FBXO30: variants seen among roughly 807,000 people sequenced by gnomAD.
The protein encoded by FBXO30 is F-box only protein 30.
Under a neutral mutation model 58.1 loss-of-function variants are expected in FBXO30, and 21 were observed. The observed-to-expected ratio is 0.36, with a 90% confidence interval of 0.26 to 0.52. The LOEUF (loss-of-function observed/expected upper bound fraction) is 0.52. Among genes scored for constraint, FBXO30 ranks in the 20% least tolerant of loss-of-function variants. The pLI, the probability that FBXO30 is intolerant of heterozygous loss-of-function variation, is 0.93. For missense variants in FBXO30, 744 were observed against 897.3 expected (o/e 0.83, Z 2.18); for synonymous variants, 309 against 312.4 (o/e 0.99, Z 0.11).
In FBXO30 at chr6:145,804,605, C is replaced by A. The variant is rs1778105817; in HGVS notation, c.1801G>T (p.Ala601Ser). The A allele has an allele frequency of 6.2e-7, 1 of 1,613,652 alleles. No individual in the cohort carries two copies. ...PCVSTVLVEP[A>S]RNCVLGLHND... The stretch of plus-strand genomic sequence containing the variant: ...TGTAATCCCAACACACAGTTTCTAG[C>A]AGGCTCCACTAATACTGTAGATACA... Residue 601 changes from alanine (A) to serine (S), a missense_variant, in exon 2 of 3, where the codon GCT becomes TCT. Coordinates refer to ENST00000237281, the MANE Select transcript of FBXO30 (RefSeq NM_032145.5).
Position 145,800,178 on chromosome 6 carries a change from T to C in FBXO30, c.2166A>G (p.Pro722=). Residue 722 remains proline, a synonymous_variant, in exon 3 of 3, where the codon CCA becomes CCG. Transcript: ENST00000237281. ...TGAGTTCTCGTGTCACACACATACA[T>C]GGCAAAGGGATTGCTTCCTCCCGTT... ...VEKREEAIPL[P]CMCVTRELTK... is the part of the protein sequence containing the mutation. The C allele has an allele frequency of 1.2e-6, 2 of 1,613,182 alleles. No individual in the cohort carries two copies. Among genetic ancestry groups the C allele is most frequent in the African/African-American group, 1.3e-5 (1 of 74,978 alleles).
At position 145,804,455 on chromosome 6, in the gene FBXO30, G is replaced by A; in HGVS notation, c.1951C>T (p.Leu651Phe). 8 of 1,613,686 alleles carry A rather than the reference G, an allele frequency of 5.0e-6. No individual in the cohort carries two copies. The highest frequency in any genetic ancestry group is 4.2e-6 in the Non-Finnish European group (5 of 1,179,780). ...AGTATGACCATGCCACGAGACTGAA[G>A]CAGGCTGCCACACACATCCCTCATT... Reference protein sequence around the residue: ...KLMRDVCGSLLQSRGMVILQW... With the variant: ...KLMRDVCGSLFQSRGMVILQW... Residue 651 changes from leucine (L) to phenylalanine (F), a missense_variant, in exon 2 of 3, where the codon CTT becomes TTT. Transcript: ENST00000237281.
At chr6:145,813,374 T>C (rs1043469331) in intron 1 of FBXO30, among the ~76,000 whole-genome samples, 24 of 148,180 alleles carry the variant, frequency 1.6e-4, no homozygotes, top group African/African-American at 4.7e-4. Context: ...TAAAAACAAA[T>C]TGGCAATTTA....
Position 145,796,186 on chromosome 6 carries a change from CT to C in FBXO30, c.*3919del, listed in dbSNP as rs1777863691. 6.6e-6 allele frequency: 1 copy of C among 151,946 alleles called. No individual in the cohort carries two copies. The highest frequency in any genetic ancestry group is 1.5e-5 in the Non-Finnish European group (1 of 67,886). The allele number at this position is 151,946 out of a possible 1,614,324, so 9.4% of individuals were successfully genotyped here. A position where few individuals can be genotyped will look rare whatever the true frequency, so the allele number is the denominator to read the frequency against. ...AATTCAAATTTGAAAGGTTTTATCT[CT>C]TGATCTCACTTTAATCTTTTAAATA... On this transcript the variant is annotated 3_prime_UTR_variant, in exon 3 of 3. Transcript: ENST00000237281.
At position 145,805,863 on chromosome 6, in the gene FBXO30, T is replaced by G. The variant is rs757850015; in HGVS notation, c.543A>C (p.Ala181=). The change falls in exon 2 of 3, where the codon GCA becomes GCC. Residue 181 remains alanine (A), a synonymous_variant. Transcript: ENST00000237281. Reference sequence around the variant, plus strand: ...TTGTTTCTACAGTAGCTTGATAAAGTGCACCATAAGATTCTTCATCAACAG... The same window carrying G: ...TTGTTTCTACAGTAGCTTGATAAAGGGCACCATAAGATTCTTCATCAACAG... ...LVSVDEESYG[A]LYQATVETTR... is the part of the protein sequence containing the mutation. 5 of 1,614,048 alleles carry G rather than the reference T, an allele frequency of 3.1e-6. No individual in the cohort carries two copies. Among genetic ancestry groups the G allele is most frequent in the South Asian group, 1.1e-5 (1 of 91,088 alleles).
At chr6:145,803,401 T>C (rs970157239) in intron 2 of FBXO30, among the ~76,000 whole-genome samples, 4 of 152,026 alleles carry the variant, frequency 2.6e-5, no homozygotes, top group Admixed American at 6.6e-5. Context: ...GGAAACCAAG[T>C]GGATGTAGTA....
intron 1 of FBXO30, among the ~76,000 whole-genome samples, chr6:145,808,079 C>T (rs1778229774): frequency 1.3e-5 from 2 of 152,034 alleles, no homozygotes; most frequent in African/African-American, 4.8e-5. Flanking sequence ...CTGCAGTAAG[C>T]CATGACTGTG....
At position 145,795,250 on chromosome 6, in the gene FBXO30, CTT is replaced by C. The variant is rs1777847582; in HGVS notation, c.*4854_*4855del. The C allele has an allele frequency of 6.6e-6, 1 of 151,668 alleles. No individual in the cohort carries two copies. The highest frequency in any genetic ancestry group is 2.4e-5 in the African/African-American group (1 of 41,382). 9.4% of individuals were successfully genotyped at this position (151,668 alleles called of 1,614,324 possible). On this transcript the variant is annotated 3_prime_UTR_variant, in exon 3 of 3. Coordinates refer to ENST00000237281, the MANE Select transcript of FBXO30 (RefSeq NM_032145.5). ...TAGAAATTAAATCTGATGAATTTGC[CTT>C]TGTTAGGAGCAACTGACCTAATTTA...
rs1276509276 is a variant in FBXO30, at chr6:145,793,853, T to C, written c.*6253A>G. ...TACTAGAACTTTAAGCTGAATAGAT[T>C]TGTCATGTTACTAATGCTATAAATT... On this transcript the variant is annotated 3_prime_UTR_variant, in exon 3 of 3. Transcript: ENST00000237281. 2 of 152,078 alleles carry C rather than the reference T, an allele frequency of 1.3e-5. No individual in the cohort carries two copies. The highest frequency in any genetic ancestry group is 1.3e-4 in the Admixed American group (2 of 15,268). The allele number at this position is 152,078 out of a possible 1,614,324, so 9.4% of individuals were successfully genotyped here.
chr6:145,806,469 G>T (rs561604534), intron 1 of FBXO30, 48 bp from the exon 2 acceptor site: 16 of 1,425,558 alleles, frequency 1.1e-5, no homozygotes, highest in Non-Finnish European at 1.4e-5. Context: ...AAAAATGGTT[G>T]ATTTTTCAAA....
At chr6:145,814,493 A>C (rs1401781288) in intron 1 of FBXO30, 110 bp downstream of exon 1, 1 of 151,674 alleles carries the variant, frequency 6.6e-6, no homozygotes, top group African/African-American at 2.4e-5. Flanking sequence ...CACGGCCGCC[A>C]GCGCCAGCGC....
At chr6:145,800,756 C>T (rs1025047373) in intron 2 of FBXO30, among the ~76,000 whole-genome samples, 2 of 151,924 alleles carry the variant, frequency 1.3e-5, no homozygotes, top group African/African-American at 4.8e-5. Context: ...CTCTCCCATT[C>T]CTATTTATAA....
rs759090831 is a variant in FBXO30 at position 145,805,039 on chromosome 6, A to T, written c.1367T>A (p.Val456Asp). Residue 456 changes from valine (V) to aspartate (D), a missense_variant, in exon 2 of 3, where the codon GTT becomes GAT. Physicochemically the swap from Val to Asp is radical, Grantham distance 152 (BLOSUM62 -3). This residue lies in a region of FBXO30 where 334 missense variants were observed against 433.7 expected (regional missense o/e 0.77). Transcript: ENST00000237281. ...TGGAAGTGAAAAAGTCTGAGTCCCA[A>T]CGTCAATGTGATAAATATCAGCCAT... ...SRMADIYHID[V>D]GTQTFSLPSA... 20 of 1,613,958 alleles carry T rather than the reference A, an allele frequency of 1.2e-5. No individual in the cohort carries two copies. Among genetic ancestry groups the T allele is most frequent in the Non-Finnish European group, 1.7e-5 (20 of 1,179,930 alleles).
At chr6:145,814,507 G>T (rs961955698) in intron 1 of FBXO30, 96 bp downstream of exon 1, 1 of 151,814 alleles carries the variant, frequency 6.6e-6, no homozygotes, top group Non-Finnish European at 1.5e-5. Context: ...CCAGCGCCTC[G>T]GTCCCGGCCG....
rs374826187 is a variant in FBXO30, at chr6:145,805,066, C to G, written c.1340G>C (p.Arg447Pro). Residue 447 changes from arginine to proline, a missense_variant, in exon 2 of 3, where the codon CGC becomes CCC. Physicochemically the swap from Arg to Pro is moderately radical, Grantham distance 103 (BLOSUM62 -2). Transcript: ENST00000237281. ...GTCAATGTGATAAATATCAGCCATG[C>G]GGCTATCAGATATACCCCTCCCTCC... ...SPGGRGISDS[R>P]MADIYHIDVG... 6.2e-7 allele frequency: 1 copy of G among 1,613,946 alleles called. No homozygotes were observed. Among genetic ancestry groups the G allele is most frequent in the African/African-American group, 1.3e-5 (1 of 75,020 alleles).
In FBXO30 at chr6:145,799,142, T is replaced by A. The variant is rs1043730305; in HGVS notation, c.*964A>T. On this transcript the variant is annotated 3_prime_UTR_variant, in exon 3 of 3. Transcript: ENST00000237281. ...TTGTCAACCAAGACAGGTTTCTACA[T>A]GATTGTCATTTTACAAAGATAACAA... is the stretch of plus-strand genomic sequence containing the variant. 6.6e-6 allele frequency: 1 copy of A among 152,104 alleles called. No homozygotes were observed. Among genetic ancestry groups the A allele is most frequent in the African/African-American group, 2.4e-5 (1 of 41,422 alleles). 9.4% of individuals were successfully genotyped at this position (152,104 alleles called of 1,614,324 possible).
At chr6:145,814,481 C>T (rs963363302) in intron 1 of FBXO30, 122 bp downstream of exon 1, 1 of 151,910 alleles carries the variant, frequency 6.6e-6, no homozygotes, top group Non-Finnish European at 1.5e-5. Context: ...GCCCGTCAAC[C>T]CCACGGCCGC....
In FBXO30 at chr6:145,795,043, TTA is replaced by T. The variant is rs1238717300; in HGVS notation, c.*5061_*5062del. ...GAATATTAACAAATTGTTACTGTTC[TTA>T]TGTCATCAGACTTTAAAACTACTAA... On this transcript the variant is annotated 3_prime_UTR_variant, in exon 3 of 3. Transcript: ENST00000237281. The T allele has an allele frequency of 6.6e-6, 1 of 151,822 alleles. No individual in the cohort carries two copies. The highest frequency in any genetic ancestry group is 1.5e-5 in the Non-Finnish European group (1 of 67,778). 9.4% of individuals were successfully genotyped at this position (151,822 alleles called of 1,614,324 possible). A position where few individuals can be genotyped will look rare whatever the true frequency, so the allele number is the denominator to read the frequency against.
In FBXO30 at chr6:145,805,764, G is replaced by A. The variant is rs773525965; in HGVS notation, c.642C>T (p.Val214=). The change falls in exon 2 of 3, where the codon GTC becomes GTT. Residue 214 remains valine (V), a synonymous_variant. Transcript: ENST00000237281. ...TTTGCTGTTCATCCATGTCATTTGGGACACTTGTATTTAACATGCCAATGT... is the reference window on the plus strand; with the variant it reads ...TTTGCTGTTCATCCATGTCATTTGGAACACTTGTATTTAACATGCCAATGT... ...TRDIGMLNTS[V]PNDMDEQQNA... The A allele has an allele frequency of 1.2e-6, 2 of 1,613,996 alleles. No homozygotes were observed. The highest frequency in any genetic ancestry group is 2.2e-5 in the East Asian group (1 of 44,866).
Sources: allele counts gnomAD v4.1 joint callset (sites outside exome capture counted in the v4.1 genomes callset), GRCh38; gene constraint gnomAD v4.1.1; regional missense constraint gnomAD v4.1.1; transcripts MANE v1.5; gene names NCBI Gene and HGNC (gene_info 2026-07-23, HGNC 2026-07-21).